The following DENND2B variants were observed in gnomAD, a reference collection of about 807,000 sequenced individuals.
DENND2B encodes DENN domain containing 2B.
A neutral mutation model predicts 116.0 loss-of-function variants in DENND2B; 32 were observed. The ratio of observed to expected loss-of-function variants is 0.28; its 90% CI spans 0.21 to 0.37. The LOEUF (loss-of-function observed/expected upper bound fraction) is 0.37. Among genes scored for constraint, DENND2B ranks in the 10% least tolerant of loss-of-function variants. The probability of loss-of-function intolerance (pLI) is 1.00; values close to 1 mark genes in which losing one functional copy is unlikely to be tolerated. For synonymous variants in DENND2B, 588 were observed against 583.9 expected, an observed-to-expected ratio of 1.01 and a Z score of -0.10; for missense variants, 1,276 against 1,477.7, an observed-to-expected ratio of 0.86 and a Z score of 2.24.
At chr11:8,793,784 T>C (rs1057311963) in intron 1 of DENND2B, among the ~76,000 whole-genome samples, 3 of 152,142 alleles carry the variant, frequency 2.0e-5, no homozygotes, top group Non-Finnish European at 4.4e-5. Context: ...ATAATCAAAC[T>C]TTCCCACAGC....
rs912688446 is a variant in DENND2B at position 8,810,666 on chromosome 11, A to C, written c.-175T>G. The C allele has an allele frequency of 6.6e-6, 1 of 152,306 alleles. No homozygotes were observed. The highest frequency in any genetic ancestry group is 1.5e-5 in the Non-Finnish European group (1 of 68,096). The allele number at this position is 152,306 out of a possible 1,614,324, so 9.4% of individuals were successfully genotyped here. ...TCTGACCTTTCGTGGCGCTCCTCGC[A>C]GCCAAGTGAGCAGAGCACTGCTAGC... On this transcript the variant is annotated 5_prime_UTR_variant, in exon 1 of 20. Transcript: ENST00000313726.
intron 1 of DENND2B, among the ~76,000 whole-genome samples, chr11:8,770,197 T>G (rs1009850392): frequency 3.3e-5 from 5 of 152,164 alleles, no homozygotes; most frequent in African/African-American, 1.2e-4. Flanking sequence ...TACTTTAGAG[T>G]ACTTTATACT....
At chr11:8,754,108 G>A (rs1157166272) in intron 1 of DENND2B, among the ~76,000 whole-genome samples, 2 of 150,800 alleles carry the variant, frequency 1.3e-5, no homozygotes, top group Non-Finnish European at 2.9e-5. Context: ...CTTTTGTGCT[G>A]TAAGCAATAC....
intron 1 of DENND2B, among the ~76,000 whole-genome samples, chr11:8,903,889 C>CAAAAAAAAAAAAAAAAAAAAAAAAAAA (rs61317026): frequency 2.7e-5 from 2 of 75,354 alleles, no homozygotes; most frequent in Non-Finnish European, 5.0e-5. Flanking sequence ...GACCTTGTCT[C>CAAAAAAAAAAAAAAAAAAAAAAAAAAA]AAAAAAAAAA....
At chr11:8,787,062 AG>A (rs1328221371) in intron 1 of DENND2B, 1 of 152,216 alleles carries the variant, frequency 6.6e-6, no homozygotes, top group Admixed American at 6.5e-5. Flanking sequence ...AGGAAAACCA[AG>A]GCCCAAGTCA....
intron 2 of DENND2B, among the ~76,000 whole-genome samples, chr11:8,738,432 TA>T (rs1364937381): frequency 1.3e-5 from 2 of 152,118 alleles, no homozygotes; most frequent in African/African-American, 4.8e-5. Context: ...TAGCTACACT[TA>T]ACGCTCTAGA....
At chr11:8,774,268 C>T (rs867588063) in intron 1 of DENND2B, 2 of 985,438 alleles carry the variant, frequency 2.0e-6, no homozygotes, top group African/African-American at 3.5e-5. Flanking sequence ...CTTCCAGAAA[C>T]GGCAGGACAC....
intron 3 of DENND2B, among the ~76,000 whole-genome samples, chr11:8,855,283 C>A (rs2063155417): frequency 6.6e-6 from 1 of 151,748 alleles, no homozygotes; most frequent in African/African-American, 2.4e-5. Context: ...AGATGCCAAG[C>A]AAGGAGGGGA....
At chr11:8,820,739 C>T (rs2061729305) in intron 4 of DENND2B, among the ~76,000 whole-genome samples, 1 of 152,110 alleles carries the variant, frequency 6.6e-6, no homozygotes, top group South Asian at 2.1e-4. Flanking sequence ...GTACATAGAG[C>T]CCCACTAAAC....
chr11:8,751,495 C>T (rs187478422), intron 1 of DENND2B, among the ~76,000 whole-genome samples: 1 of 152,292 alleles, frequency 6.6e-6, no homozygotes, highest in Non-Finnish European at 1.5e-5. Context: ...TTTGGGTCCA[C>T]ACTGCCTTTA....
chr11:8,832,551 C>T (rs1233784572), intron 4 of DENND2B: 2 of 151,424 alleles, frequency 1.3e-5, no homozygotes, highest in Non-Finnish European at 2.9e-5. Flanking sequence ...CACCTTCAAA[C>T]TCCTGGTTAC....
chr11:8,727,004 A>C (rs1038586873), intron 3 of DENND2B, among the ~76,000 whole-genome samples: 1 of 152,172 alleles, frequency 6.6e-6, no homozygotes, highest in Admixed American at 6.5e-5. Context: ...TCTACTGTAT[A>C]ATTTCAAGAC....
At chr11:8,777,790 T>A (rs1157376851) in intron 1 of DENND2B, among the ~76,000 whole-genome samples, 1 of 152,130 alleles carries the variant, frequency 6.6e-6, no homozygotes, top group Non-Finnish European at 1.5e-5. Flanking sequence ...ACCTAACCCA[T>A]CCCTACTTAT....
At chr11:8,821,890 C>T (rs1475080473) in intron 4 of DENND2B, among the ~76,000 whole-genome samples, 1 of 152,176 alleles carries the variant, frequency 6.6e-6, no homozygotes, top group African/African-American at 2.4e-5. Context: ...CTCCCAGGCT[C>T]AAGCAATTCT....
At chr11:8,770,375 G>T (rs1256750523) in intron 1 of DENND2B, among the ~76,000 whole-genome samples, 1 of 152,174 alleles carries the variant, frequency 6.6e-6, no homozygotes. Flanking sequence ...ACCAAGTCCA[G>T]AATTGCTCTG....
intron 1 of DENND2B, 92 bp from the exon 2 acceptor site, chr11:8,750,817 G>A: frequency 6.3e-6 from 7 of 1,118,910 alleles, no homozygotes; most frequent in Non-Finnish European, 9.4e-6. Context: ...AGTGCCAAGA[G>A]GGTGTCTGTG....
intron 1 of DENND2B, among the ~76,000 whole-genome samples, chr11:8,891,525 A>C (rs979962743): frequency 1.3e-5 from 2 of 152,226 alleles, no homozygotes; most frequent in African/African-American, 4.8e-5. Flanking sequence ...ACATAGGCTC[A>C]ACATAAAGGG....
In DENND2B at chr11:8,696,681, A is replaced by C. The variant is rs2040408353; in HGVS notation, c.3053-15T>G. On this transcript the variant is annotated splice_polypyrimidine_tract_variant and intron_variant, in intron 17 of 19. Coordinates refer to ENST00000313726, the MANE Select transcript of DENND2B (RefSeq NM_213618.2). ...GGTATTACATTCTGGAAGGGAAAAG[A>C]CAATCTTTGAGGTTCAGGTCAAGAG... 1.2e-6 allele frequency: 2 copies of C among 1,612,756 alleles called. No homozygotes were observed. Among genetic ancestry groups the C allele is most frequent in the South Asian group, 2.2e-5 (2 of 91,020 alleles).
chr11:8,759,705 T>C (rs190590450), intron 1 of DENND2B, among the ~76,000 whole-genome samples: 172 of 152,314 alleles, frequency 1.1e-3, no homozygotes, highest in African/African-American at 3.8e-3. Flanking sequence ...TGTGGCCTGA[T>C]TGCCCTGGGA....
Sources: gnomAD v4.1 joint callset for allele counts (sites outside exome capture counted in the v4.1 genomes callset) on GRCh38, gnomAD v4.1.1 for gene constraint, MANE v1.5 for transcripts, NCBI Gene and HGNC (gene_info 2026-07-23, HGNC 2026-07-21) for gene names.